The following LBHD1 variants were observed in gnomAD, a reference collection of about 807,000 sequenced individuals.
The protein encoded by LBHD1 is LBH domain-containing protein 1.
A neutral mutation model predicts 31.1 loss-of-function variants in LBHD1; 28 were observed. That is an observed-to-expected ratio of 0.90 (90% CI 0.67 to 1.24). The LOEUF is 1.24. LBHD1 is among the 50% of genes most tolerant of loss of function. The probability of loss-of-function intolerance (pLI) is 0.00; values close to 1 mark genes in which losing one functional copy is unlikely to be tolerated. For synonymous variants in LBHD1, 105 were observed against 116.5 expected (o/e 0.90, Z 0.63); for missense variants, 350 against 323.0 (o/e 1.08, Z -0.64).
In LBHD1 at chr11:62,672,135, G is replaced by A. The variant is rs1437891889; in HGVS notation, c.-582C>T. 1.3e-6 allele frequency: 2 copies of A among 1,553,834 alleles called. No individual in the cohort carries two copies. The highest frequency in any genetic ancestry group is 1.2e-5 in the South Asian group (1 of 85,130). Reference sequence around the variant, plus strand: ...CGTGAGACCGGACTTGCCTCCGTGGGCGCCGGACCTTGGCTTGGGCGCAGG... The same window carrying A: ...CGTGAGACCGGACTTGCCTCCGTGGACGCCGGACCTTGGCTTGGGCGCAGG... On this transcript the variant is annotated 5_prime_UTR_variant, in exon 1 of 7. Coordinates refer to ENST00000354588, the MANE Select transcript of LBHD1 (RefSeq NM_024099.5).
In LBHD1 at chr11:62,666,363, A is replaced by G. The variant is rs938705953; in HGVS notation, c.538+1160T>C. ...TACGACGTTTTTGCAGTGGCGACATAGACCAAGTGACACCCTCCAACCGTG... is the reference window on the plus strand; with the variant it reads ...TACGACGTTTTTGCAGTGGCGACATGGACCAAGTGACACCCTCCAACCGTG... On this transcript the variant is annotated intron_variant, in intron 4 of 6. Coordinates refer to ENST00000354588, the MANE Select transcript of LBHD1 (RefSeq NM_024099.5). The G allele has an allele frequency of 2.5e-6, 4 of 1,601,528 alleles. No individual in the cohort carries two copies. In the Admixed American group the frequency reaches 5.0e-5, roughly 20 times the overall value.
chr11:62,666,309 C>CAAA, intron 4 of LBHD1: 8 of 1,212,378 alleles, frequency 6.6e-6, no homozygotes, highest in Admixed American at 1.9e-5. Flanking sequence ...GACCCTGTCT[C>CAAA]AAAAAAAAAA....
chr11:62,668,507 C>G (rs972717928), intron 3 of LBHD1: 1 of 143,850 alleles, frequency 7.0e-6, no homozygotes, highest in African/African-American at 2.6e-5. Flanking sequence ...AAAAAAGTAG[C>G]TTCTGTAACA....
At position 62,672,078 on chromosome 11, in the gene LBHD1, TGGCGGCGAA is replaced by T; in HGVS notation, c.-534_-526del. On this transcript the variant is annotated 5_prime_UTR_variant, in exon 1 of 7. Transcript: ENST00000354588. ...TGGCCTGGAGGAAGAACTGGATGGT[TGGCGGCGAA>T]GGCGGCGCCGGCGGGAGGTCACCGT... 6.2e-7 allele frequency: 1 copy of T among 1,603,742 alleles called. No individual in the cohort carries two copies. Among genetic ancestry groups the T allele is most frequent in the Non-Finnish European group, 8.5e-7 (1 of 1,175,532 alleles).
intron 4 of LBHD1, chr11:62,666,591 G>C: frequency 6.2e-7 from 1 of 1,614,176 alleles, no homozygotes; most frequent in Non-Finnish European, 8.5e-7. Flanking sequence ...GGGACTTCCA[G>C]CCTATGTACA....
At position 62,664,853 on chromosome 11, in the gene LBHD1, G is replaced by A. The variant is rs751747763; in HGVS notation, c.659C>T (p.Ala220Val). Residue 220 changes from alanine (A) to valine (V), a missense_variant, in exon 5 of 7, where the codon GCG becomes GTG. By Grantham distance (64) the Ala-to-Val change is moderately conservative (BLOSUM62 0). Coordinates refer to ENST00000354588, the MANE Select transcript of LBHD1 (RefSeq NM_024099.5). ...RADHAAPPQE[A>V]GVQCTCQHYT... ...GGAAGAGGGTCTAGTACTTACGCCC[G>A]CTTCTTGAGGTGGTGCCGCGTGATC... 3 of 1,567,506 alleles carry A rather than the reference G, an allele frequency of 1.9e-6. No individual in the cohort carries two copies. In the East Asian group the frequency reaches 7.1e-5, roughly 37 times the overall value.
At chr11:62,667,883 G>T in intron 3 of LBHD1, 136 bp from the exon 4 acceptor site, 1 of 639,670 alleles carries the variant, frequency 1.6e-6, no homozygotes. Flanking sequence ...TTGAGCCCTG[G>T]CAATAAAGTG....
At chr11:62,670,168 T>A in intron 1 of LBHD1, 127 bp from the exon 2 acceptor site, 1 of 1,012,924 alleles carries the variant, frequency 9.9e-7, no homozygotes, top group Non-Finnish European at 1.4e-6. Context: ...ATTATACGCT[T>A]TCAGGGGAGG....
intron 4 of LBHD1, chr11:62,666,318 A>G: frequency 6.7e-7 from 1 of 1,489,958 alleles, no homozygotes; most frequent in Non-Finnish European, 9.2e-7. Context: ...TCAAAAAAAA[A>G]AAAGACGCCA....
rs148403030 is a variant in LBHD1, at chr11:62,669,475, TTCA to T, written c.313+163_313+165del. 8.9e-3 allele frequency: 8,787 copies of T among 985,202 alleles called. 582 individuals are homozygous for T. The African/African-American group carries it at 0.14, about 16-fold the overall frequency. The allele number at this position is 985,202 out of a possible 1,614,324, so 61.0% of individuals were successfully genotyped here. On this transcript the variant is annotated intron_variant, in intron 3 of 6. Coordinates refer to ENST00000354588, the MANE Select transcript of LBHD1 (RefSeq NM_024099.5). ...CTGATACCAAAACTGCTCTCTACAATTCATCAACTTTGCCAGCTGCCTTTTCTC... is the reference window on the plus strand; with the variant it reads ...CTGATACCAAAACTGCTCTCTACAATTCAACTTTGCCAGCTGCCTTTTCTC...
chr11:62,662,900 C>T lies in LBHD1; in HGVS notation c.*229G>A. 1 of 628,562 alleles carries T rather than the reference C, an allele frequency of 1.6e-6. No individual in the cohort carries two copies. Among genetic ancestry groups the T allele is most frequent in the South Asian group, 2.0e-5 (1 of 49,164 alleles). The allele number at this position is 628,562 out of a possible 1,614,324, so 38.9% of individuals were successfully genotyped here. A position where few individuals can be genotyped will look rare whatever the true frequency, so the allele number is the denominator to read the frequency against. ...TCTTTCTTCTGTACCTTCTTCCCTC[C>T]CAAAGACATCCCTCTAGGGGAGGTC... is the stretch of plus-strand genomic sequence containing the variant. On this transcript the variant is annotated 3_prime_UTR_variant, in exon 7 of 7. Transcript: ENST00000354588.
rs1944856252 is a variant in LBHD1 at position 62,667,668 on chromosome 11, A to T, written c.393T>A (p.Asp131Glu). 6.2e-7 allele frequency: 1 copy of T among 1,614,042 alleles called. No individual in the cohort carries two copies. The highest frequency in any genetic ancestry group is 1.1e-5 in the South Asian group (1 of 91,092). ...CAAGAATCCAACAAGCATCTTCTTC[A>T]TCCTGGTCCTGCCCCCAGCTGAGTC... ...NAGLSWGQDQDEEDACWILED... is the reference protein window; with the variant it reads ...NAGLSWGQDQEEEDACWILED... Residue 131 changes from aspartate to glutamate, a missense_variant, in exon 4 of 7, where the codon GAT becomes GAA. Coordinates refer to ENST00000354588, the MANE Select transcript of LBHD1 (RefSeq NM_024099.5).
intron 5 of LBHD1, among the ~76,000 whole-genome samples, chr11:62,663,998 A>G (rs1944721688): frequency 6.8e-6 from 1 of 147,804 alleles, no homozygotes; most frequent in African/African-American, 2.5e-5. Context: ...GCTTAAACCC[A>G]GGAGGCAGGG....
chr11:62,672,252 T>A lies in LBHD1; in HGVS notation c.-699A>T, dbSNP rs1443266669. On this transcript the variant is annotated 5_prime_UTR_variant, in exon 1 of 7. Coordinates refer to ENST00000354588, the MANE Select transcript of LBHD1 (RefSeq NM_024099.5). The stretch of plus-strand genomic sequence containing the variant: ...CTCTCCGGGGTCCTGTGAGCTGCCG[T>A]CGGGTGAGCACGTTTCCCCCAAACC... The A allele has an allele frequency of 3.3e-6, 3 of 905,866 alleles. No homozygotes were observed. The highest frequency in any genetic ancestry group is 4.9e-6 in the Non-Finnish European group (3 of 607,758). The allele number at this position is 905,866 out of a possible 1,614,324, so 56.1% of individuals were successfully genotyped here.
chr11:62,664,654 C>T (rs946523399), intron 5 of LBHD1, among the ~76,000 whole-genome samples, 195 bp downstream of exon 5: 2 of 152,036 alleles, frequency 1.3e-5, no homozygotes, highest in Admixed American at 1.3e-4. Context: ...TAACAGAATC[C>T]AAAACCCAAA....
intron 4 of LBHD1, chr11:62,666,273 G>A (rs1477172886): frequency 2.0e-6 from 2 of 994,724 alleles, no homozygotes; most frequent in Admixed American, 2.0e-5. Context: ...TTGTGCTACT[G>A]TACTCAACCC....
At position 62,667,608 on chromosome 11, in the gene LBHD1, A is replaced by G; in HGVS notation, c.453T>C (p.Cys151=). 6.2e-7 allele frequency: 1 copy of G among 1,614,142 alleles called. No homozygotes were observed. The highest frequency in any genetic ancestry group is 8.5e-7 in the Non-Finnish European group (1 of 1,180,030). The change falls in exon 4 of 7, where the codon TGT becomes TGC. Residue 151 remains cysteine, a synonymous_variant. Coordinates refer to ENST00000354588, the MANE Select transcript of LBHD1 (RefSeq NM_024099.5). ...GGGAGCCTGTTGAGTCCCAGAAGGGACAGTGGTTGGTGGCTTCCAGACATG... is the reference window on the plus strand; with the variant it reads ...GGGAGCCTGTTGAGTCCCAGAAGGGGCAGTGGTTGGTGGCTTCCAGACATG... ...DTACLEATNH[C]PFWDSTGSRV... is the part of the protein sequence containing the mutation.
chr11:62,665,735 C>T lies in LBHD1; in HGVS notation c.539-762G>A, dbSNP rs574869674. On this transcript the variant is annotated intron_variant, in intron 4 of 6. Transcript: ENST00000354588. The stretch of plus-strand genomic sequence containing the variant: ...TAGTCTGTGTCCGCGTTCTTTTTTC[C>T]GGGACTGCAGAGTTCGGGGAAGCTG... 47 of 1,466,982 alleles carry T rather than the reference C, an allele frequency of 3.2e-5. No homozygotes were observed. In the Middle Eastern group the frequency reaches 5.4e-4, roughly 17 times the overall value. 90.9% of individuals were successfully genotyped at this position (1,466,982 alleles called of 1,614,324 possible). A position where few individuals can be genotyped will look rare whatever the true frequency, so the allele number is the denominator to read the frequency against.
Position 62,667,573 on chromosome 11 carries a change from C to G in LBHD1, c.488G>C (p.Arg163Thr). The G allele has an allele frequency of 6.2e-7, 1 of 1,614,180 alleles. No individual in the cohort carries two copies. The highest frequency in any genetic ancestry group is 8.5e-7 in the Non-Finnish European group (1 of 1,180,040). ...ATGGGAATATTCCACAAAGCCACTTCTACAAACACGGGAGCCTGTTGAGTC... is the reference window on the plus strand; with the variant it reads ...ATGGGAATATTCCACAAAGCCACTTGTACAAACACGGGAGCCTGTTGAGTC... ...FWDSTGSRVCRSGFVEYSHLL... is the reference protein window; with the variant it reads ...FWDSTGSRVCTSGFVEYSHLL... Residue 163 changes from arginine to threonine, a missense_variant, in exon 4 of 7, where the codon AGA becomes ACA. By Grantham distance (71) the Arg-to-Thr change is moderately conservative. Coordinates refer to ENST00000354588, the MANE Select transcript of LBHD1 (RefSeq NM_024099.5).
Sources: allele counts gnomAD v4.1 joint callset (sites outside exome capture counted in the v4.1 genomes callset), GRCh38; gene constraint gnomAD v4.1.1; transcripts MANE v1.5; gene names NCBI Gene and HGNC (gene_info 2026-07-23, HGNC 2026-07-21).